Variants in ADGRL2 observed in about 807,000 individuals in gnomAD.
The protein encoded by ADGRL2 is adhesion G protein-coupled receptor L2.
ADGRL2 carries 44 observed loss-of-function variants against 157.4 expected under a neutral mutation model. The observed-to-expected ratio is 0.28, with a 90% CI of 0.22 to 0.36. The LOEUF (loss-of-function observed/expected upper bound fraction) is 0.36. ADGRL2 is among the 10% of genes least tolerant of loss of function. ADGRL2 has a pLI of 1.00. For missense variants in ADGRL2, 1,510 were observed against 1,768.9 expected (o/e 0.85, Z 2.63); for synonymous variants, 585 against 624.7 (o/e 0.94, Z 0.95).
At chr1:81,799,836 G>C (rs181063564), upstream of ADGRL2, among the ~76,000 whole-genome samples, 2 of 152,032 alleles carry the variant, frequency 1.3e-5, no homozygotes, top group South Asian at 2.1e-4. Flanking sequence ...AGAATCAGTG[G>C]TTTACAAATA....
chr1:81,322,356 A>C (rs1194802472), intron 1 of ADGRL2, among the ~76,000 whole-genome samples: 1 of 152,040 alleles, frequency 6.6e-6, no homozygotes, highest in East Asian at 1.9e-4. Context: ...AACCTTAAAA[A>C]GATACCATAT....
At chr1:81,476,572 C>A (rs942845720) in intron 2 of ADGRL2, among the ~76,000 whole-genome samples, 1 of 152,270 alleles carries the variant, frequency 6.6e-6, no homozygotes, top group Non-Finnish European at 1.5e-5. Context: ...TTTATTGAAA[C>A]GTTGTGCCTG....
At chr1:81,431,238 T>A (rs925644786) in intron 1 of ADGRL2, among the ~76,000 whole-genome samples, 2 of 152,024 alleles carry the variant, frequency 1.3e-5, no homozygotes, top group Non-Finnish European at 2.9e-5. Flanking sequence ...CTGCTTTTTA[T>A]TTTTTTCTTT....
At chr1:81,530,347 A>T (rs1164520915) in intron 2 of ADGRL2, among the ~76,000 whole-genome samples, 1 of 151,942 alleles carries the variant, frequency 6.6e-6, no homozygotes, top group East Asian at 1.9e-4. Context: ...TATTATTATT[A>T]TTATTTGTAT....
At chr1:81,819,033 CTT>C (rs981118726) in intron 1 of ADGRL2, among the ~76,000 whole-genome samples, 1 of 152,054 alleles carries the variant, frequency 6.6e-6, no homozygotes, top group African/African-American at 2.4e-5. Context: ...ACAGCCTGCT[CTT>C]TTAAGATTCT....
chr1:81,812,980 C>T (rs2090024278), intron 1 of ADGRL2, among the ~76,000 whole-genome samples: 1 of 151,686 alleles, frequency 6.6e-6, no homozygotes, highest in Non-Finnish European at 1.5e-5. Context: ...AATTGTAAGC[C>T]AGATACTTAG....
intron 2 of ADGRL2, among the ~76,000 whole-genome samples, chr1:81,516,647 G>A (rs961407568): frequency 4.6e-5 from 7 of 152,126 alleles, no homozygotes; most frequent in Non-Finnish European, 7.4e-5. Context: ...ACTTCTATTC[G>A]GGAACGTAAT....
intron 1 of ADGRL2, among the ~76,000 whole-genome samples, chr1:81,808,787 C>T (rs942083127): frequency 1.2e-4 from 18 of 152,036 alleles, no homozygotes; most frequent in Admixed American, 1.0e-3. Context: ...TGGGATTCAT[C>T]GTAGCAGATA....
At chr1:81,378,239 A>C (rs1182601659) in intron 1 of ADGRL2, among the ~76,000 whole-genome samples, 1 of 151,864 alleles carries the variant, frequency 6.6e-6, no homozygotes, top group African/African-American at 2.4e-5. Flanking sequence ...AGTGATAAAG[A>C]GCAGGTTTTG....
At chr1:81,339,370 T>C (rs748240502) in intron 1 of ADGRL2, among the ~76,000 whole-genome samples, 15 of 152,228 alleles carry the variant, frequency 9.9e-5, no homozygotes, top group Non-Finnish European at 1.9e-4. Flanking sequence ...CATATGTGTG[T>C]TGCATACATG....
At chr1:81,747,290 T>C (rs1337358774) in intron 1 of ADGRL2, among the ~76,000 whole-genome samples, 1 of 147,300 alleles carries the variant, frequency 6.8e-6, no homozygotes. Context: ...TGTGCATACA[T>C]GTGTATATAT....
intron 2 of ADGRL2, among the ~76,000 whole-genome samples, chr1:81,528,604 G>T (rs2079523828): frequency 7.3e-6 from 1 of 136,512 alleles, no homozygotes; most frequent in Non-Finnish European, 1.5e-5. Flanking sequence ...CCAAGATAGT[G>T]CCACTGCAGT....
rs563075078 is a variant in ADGRL2 at position 81,990,953 on chromosome 1, C to T, written c.4218C>T (p.Pro1406=). Residue 1406 remains proline, a synonymous_variant, in exon 24 of 24, where the codon CCC becomes CCT. Transcript: ENST00000686636. ...CTGACATGGAAGAAGACCTCTCTCC[C>T]TCCAGGAGGAGTGAGAATGAGGACA... is the stretch of plus-strand genomic sequence containing the variant. ...SSPDMEEDLS[P]SRRSENEDIY... 1 of 1,614,054 alleles carries T rather than the reference C, an allele frequency of 6.2e-7. No homozygotes were observed. The highest frequency in any genetic ancestry group is 1.3e-5 in the African/African-American group (1 of 75,044).
intron 2 of ADGRL2, among the ~76,000 whole-genome samples, chr1:81,528,638 C>T (rs1252132894): frequency 5.8e-5 from 6 of 104,186 alleles, no homozygotes; most frequent in East Asian, 2.8e-4. Flanking sequence ...AAAAGTGAGA[C>T]TCCATCTCAA....
intron 2 of ADGRL2, among the ~76,000 whole-genome samples, chr1:81,901,838 A>G (rs999801858): frequency 6.6e-6 from 1 of 152,176 alleles, no homozygotes; most frequent in Non-Finnish European, 1.5e-5. Context: ...AAAATAGTGT[A>G]AAATGGTCAA....
intron 2 of ADGRL2, among the ~76,000 whole-genome samples, chr1:81,885,265 T>G (rs999047069): frequency 6.6e-6 from 1 of 152,240 alleles, no homozygotes; most frequent in African/African-American, 2.4e-5. Context: ...TGTAAATATT[T>G]GTGTTTATTT....
At chr1:81,519,777 A>G (rs1294151984) in intron 2 of ADGRL2, among the ~76,000 whole-genome samples, 1 of 152,172 alleles carries the variant, frequency 6.6e-6, no homozygotes, top group East Asian at 1.9e-4. Context: ...CTAATGACTC[A>G]TCCTTCAACC....
chr1:81,974,778 C>A (rs1489129827), intron 17 of ADGRL2, among the ~76,000 whole-genome samples: 1 of 151,944 alleles, frequency 6.6e-6, no homozygotes, highest in Non-Finnish European at 1.5e-5. Context: ...GTACCTTTTT[C>A]TTTCTTAAAA....
intron 2 of ADGRL2, among the ~76,000 whole-genome samples, chr1:81,858,407 C>A (rs2093277459): frequency 6.6e-6 from 1 of 152,076 alleles, no homozygotes; most frequent in African/African-American, 2.4e-5. Flanking sequence ...CTAAATGCAA[C>A]TTTTTTGGTA....
Sources: gnomAD v4.1 joint callset for allele counts (sites outside exome capture counted in the v4.1 genomes callset) on GRCh38, gnomAD v4.1.1 for gene constraint, MANE v1.5 for transcripts, NCBI Gene and HGNC (gene_info 2026-07-23, HGNC 2026-07-21) for gene names.